The following ACTR3 variants were observed in gnomAD, a reference collection of about 807,000 sequenced individuals.
ACTR3 encodes actin-related protein 3.
ACTR3 carries 12 observed loss-of-function variants against 56.8 expected under a neutral mutation model. The observed-to-expected ratio is 0.21, with a 90% CI of 0.14 to 0.34. The LOEUF is 0.34. Among genes scored for constraint, ACTR3 ranks in the 10% least tolerant of loss-of-function variants. The probability of loss-of-function intolerance (pLI) is 1.00; values close to 1 mark genes in which losing one functional copy is unlikely to be tolerated. For synonymous variants in ACTR3, 162 were observed against 167.4 expected, an observed-to-expected ratio of 0.97 and a Z score of 0.25; for missense variants, 282 against 512.5, an observed-to-expected ratio of 0.55 and a Z score of 4.34.
chr2:113,920,192 G>A (rs1401967864), intron 3 of ACTR3, among the ~76,000 whole-genome samples: 1 of 152,152 alleles, frequency 6.6e-6, no homozygotes, highest in Non-Finnish European at 1.5e-5. Flanking sequence ...CAAAGTGCTG[G>A]GATTACAGGT....
intron 1 of ACTR3, among the ~76,000 whole-genome samples, chr2:113,912,294 A>C (rs1679322173): frequency 6.6e-6 from 1 of 152,172 alleles, no homozygotes; most frequent in African/African-American, 2.4e-5. Context: ...ATATGGAATA[A>C]TATAAAATGT....
At chr2:113,922,371 T>TA (rs1232980994) in intron 3 of ACTR3, among the ~76,000 whole-genome samples, 1 of 152,218 alleles carries the variant, frequency 6.6e-6, no homozygotes, top group Non-Finnish European at 1.5e-5. Flanking sequence ...CGGAATATCT[T>TA]ACATTATAAT....
At chr2:113,894,945 T>C (rs903723310) in intron 1 of ACTR3, among the ~76,000 whole-genome samples, 2 of 151,984 alleles carry the variant, frequency 1.3e-5, no homozygotes, top group East Asian at 1.9e-4. Flanking sequence ...TTGTTGTTAG[T>C]AAAGTTAACT....
intron 3 of ACTR3, among the ~76,000 whole-genome samples, chr2:113,918,119 T>G (rs528075282): frequency 5.3e-5 from 8 of 152,274 alleles, no homozygotes; most frequent in African/African-American, 1.9e-4. Context: ...GCTGTATAGG[T>G]AGGCAGGAAA....
At chr2:113,925,072 T>A (rs1005504309) in intron 3 of ACTR3, among the ~76,000 whole-genome samples, 10 of 151,750 alleles carry the variant, frequency 6.6e-5, no homozygotes, top group African/African-American at 2.4e-4. Flanking sequence ...GATTTTTGTA[T>A]TTTCAGTGGA....
chr2:113,932,291 A>G (rs1436881859), intron 5 of ACTR3, among the ~76,000 whole-genome samples: 1 of 152,230 alleles, frequency 6.6e-6, no homozygotes, highest in Non-Finnish European at 1.5e-5. Flanking sequence ...CATGAACTTT[A>G]TAGAAGAATT....
rs77284729 is a variant in ACTR3 at position 113,935,698 on chromosome 2, A to G, written c.540+1312A>G. On this transcript the variant is annotated intron_variant, in intron 6 of 11. Transcript: ENST00000263238. ...GTTTATTTTTCTTTCTTAGTGGTAC[A>G]TAAAATAATTTTTCATCTTAAAATT... Among the ~76,000 whole-genome samples, 3,689 of 152,300 alleles carry G rather than the reference A, an allele frequency of 0.024. 220 individuals carry two copies. In the East Asian group the frequency reaches 0.26, roughly 11 times the overall value.
At chr2:113,952,103 G>A (rs1436740087) in intron 10 of ACTR3, 2 of 363,214 alleles carry the variant, frequency 5.5e-6, no homozygotes, top group Non-Finnish European at 1.0e-5. Context: ...CTCTCTCATA[G>A]ATAATTAATA....
Position 113,940,058 on chromosome 2 carries a change from G to C in ACTR3, c.640G>C (p.Gly214Arg), listed in dbSNP as rs776534979. The C allele has an allele frequency of 6.2e-7, 1 of 1,613,364 alleles. No individual in the cohort carries two copies. The highest frequency in any genetic ancestry group is 1.3e-5 in the African/African-American group (1 of 74,990). ...IQQLLRDREV[G>R]IPPEQSLETA... ...GCAACTGCTGAGAGACCGAGAAGTAGGAATCCCTCCAGAACAATCCTTGGA... is the reference window on the plus strand; with the variant it reads ...GCAACTGCTGAGAGACCGAGAAGTACGAATCCCTCCAGAACAATCCTTGGA... The change falls in exon 7 of 12, where the codon GGA becomes CGA. Residue 214 changes from glycine to arginine, a missense_variant. Gly to Arg is a moderately radical substitution (Grantham distance 125, BLOSUM62 -2). Transcript: ENST00000263238.
At chr2:113,924,489 A>G (rs924776845) in intron 3 of ACTR3, among the ~76,000 whole-genome samples, 3 of 152,128 alleles carry the variant, frequency 2.0e-5, no homozygotes, top group Non-Finnish European at 2.9e-5. Context: ...AGCTTTCCCA[A>G]TGCTGCTATA....
chr2:113,891,875 C>G (rs1678908724), intron 1 of ACTR3, among the ~76,000 whole-genome samples: 1 of 152,072 alleles, frequency 6.6e-6, no homozygotes, highest in South Asian at 2.1e-4. Flanking sequence ...AGTCTCATTT[C>G]TCTGAACCAA....
intron 1 of ACTR3, among the ~76,000 whole-genome samples, chr2:113,895,607 GA>G (rs1678991779): frequency 6.6e-6 from 1 of 152,182 alleles, no homozygotes; most frequent in African/African-American, 2.4e-5. Context: ...CAGAAATTCT[GA>G]AACCTGGTAT....
intron 8 of ACTR3, among the ~76,000 whole-genome samples, chr2:113,950,287 A>G (rs560181049): frequency 3.9e-5 from 6 of 152,374 alleles, no homozygotes; most frequent in African/African-American, 1.4e-4. Context: ...CCTTGTGTTT[A>G]CTAGCCAGCA....
At chr2:113,946,816 CATTCATTT>C (rs1680031244) in intron 8 of ACTR3, among the ~76,000 whole-genome samples, 2 of 152,162 alleles carry the variant, frequency 1.3e-5, no homozygotes, top group Non-Finnish European at 2.9e-5. Flanking sequence ...GTCATTTATT[CATTCATTT>C]ATTTATTGGG....
At chr2:113,937,990 C>G (rs903722265) in intron 6 of ACTR3, among the ~76,000 whole-genome samples, 1 of 152,036 alleles carries the variant, frequency 6.6e-6, no homozygotes, top group South Asian at 2.1e-4. Flanking sequence ...GGCTGCTTCA[C>G]AGTGTCTCAA....
Position 113,960,061 on chromosome 2 carries a change from C to G in ACTR3, c.*2606C>G, listed in dbSNP as rs1224922422. ...AGCAATATTAGCAGTGTAGTAGATT[C>G]TGACTGCAAAACCTAGCCTTTTCTA... is the stretch of plus-strand genomic sequence containing the variant. On this transcript the variant is annotated 3_prime_UTR_variant, in exon 12 of 12. Coordinates refer to ENST00000263238, the MANE Select transcript of ACTR3 (RefSeq NM_005721.5). 6.6e-6 allele frequency: 1 copy of G among 151,998 alleles called. No individual in the cohort carries two copies. The highest frequency in any genetic ancestry group is 1.5e-5 in the Non-Finnish European group (1 of 67,904). The allele number at this position is 151,998 out of a possible 1,614,324, so 9.4% of individuals were successfully genotyped here.
intron 2 of ACTR3, among the ~76,000 whole-genome samples, chr2:113,915,343 G>A (rs1679385383): frequency 6.6e-6 from 1 of 152,058 alleles, no homozygotes; most frequent in Admixed American, 6.6e-5. Context: ...CTTAATGTGC[G>A]TCTTTACATC....
intron 1 of ACTR3, among the ~76,000 whole-genome samples, chr2:113,896,322 T>C (rs1679007180): frequency 6.6e-6 from 1 of 152,260 alleles, no homozygotes; most frequent in South Asian, 2.1e-4. Flanking sequence ...GTTATGCTTA[T>C]TTTCTTATCT....
In ACTR3 at chr2:113,958,831, G is replaced by A. The variant is rs1009537444; in HGVS notation, c.*1376G>A. 4 of 151,880 alleles carry A rather than the reference G, an allele frequency of 2.6e-5. No individual in the cohort carries two copies. The highest frequency in any genetic ancestry group is 2.6e-4 in the Admixed American group (4 of 15,240). The allele number at this position is 151,880 out of a possible 1,614,324, so 9.4% of individuals were successfully genotyped here. A position where few individuals can be genotyped will look rare whatever the true frequency, so the allele number is the denominator to read the frequency against. ...ACTCCATTATTCATGAAAATAACAC[G>A]TTAGGATTGGAATACGTCTATTCAA... is the stretch of plus-strand genomic sequence containing the variant. On this transcript the variant is annotated 3_prime_UTR_variant, in exon 12 of 12. Coordinates refer to ENST00000263238, the MANE Select transcript of ACTR3 (RefSeq NM_005721.5).
Sources: allele counts gnomAD v4.1 joint callset (sites outside exome capture counted in the v4.1 genomes callset), GRCh38; gene constraint gnomAD v4.1.1; transcripts MANE v1.5; gene names NCBI Gene and HGNC (gene_info 2026-07-23, HGNC 2026-07-21).